The following CNTNAP2 variants were observed in gnomAD, a reference collection of about 807,000 sequenced individuals.
CNTNAP2 encodes the protein contactin associated protein 2, also known as contactin-associated protein-like 2.
A neutral mutation model predicts 155.2 loss-of-function variants in CNTNAP2; 98 were observed. The ratio of observed to expected loss-of-function variants is 0.63; its 90% CI spans 0.54 to 0.75. CNTNAP2 has a LOEUF of 0.75. Ranked by LOEUF, CNTNAP2 falls within the 30% of genes least tolerant of loss-of-function variation. The probability of loss-of-function intolerance (pLI) is 0.00; values close to 1 mark genes in which losing one functional copy is unlikely to be tolerated. For synonymous variants in CNTNAP2, 651 were observed against 631.2 expected, an observed-to-expected ratio of 1.03 and a Z score of -0.47; for missense variants, 1,727 against 1,688.1, an observed-to-expected ratio of 1.02 and a Z score of -0.40.
intron 15 of CNTNAP2, among the ~76,000 whole-genome samples, chr7:148,112,415 G>GTATTAT (rs34816770): frequency 0.011 from 1,587 of 148,606 alleles, 13 homozygotes; most frequent in East Asian, 0.016. Context: ...CTAAATTTTA[G>GTATTAT]TATTATTATT....
intron 1 of CNTNAP2, among the ~76,000 whole-genome samples, chr7:146,568,958 C>T (rs557643375): frequency 6.6e-6 from 1 of 150,972 alleles, no homozygotes; most frequent in South Asian, 2.1e-4. Flanking sequence ...ATCACAAGTT[C>T]CCATCTTGTT....
chr7:147,679,276 T>C (rs1285403248), intron 13 of CNTNAP2, among the ~76,000 whole-genome samples: 1 of 151,918 alleles, frequency 6.6e-6, no homozygotes, highest in Non-Finnish European at 1.5e-5. Context: ...AGATCTTTTA[T>C]GGTTTTGGTT....
At chr7:147,339,923 T>C (rs566661319) in intron 9 of CNTNAP2, among the ~76,000 whole-genome samples, 1 of 152,260 alleles carries the variant, frequency 6.6e-6, no homozygotes, top group African/African-American at 2.4e-5. Context: ...TGGAAGCTCT[T>C]GCTGTCTCTC....
chr7:147,500,494 G>C (rs189286911), intron 11 of CNTNAP2, among the ~76,000 whole-genome samples: 94 of 152,140 alleles, frequency 6.2e-4, no homozygotes, highest in African/African-American at 2.1e-3. Flanking sequence ...TCTATCCACT[G>C]TTCTTCTTAA....
intron 11 of CNTNAP2, among the ~76,000 whole-genome samples, chr7:147,521,246 C>A (rs915193403): frequency 6.6e-6 from 1 of 152,158 alleles, no homozygotes; most frequent in African/African-American, 2.4e-5. Flanking sequence ...GTTGTTCATG[C>A]CATTCTCCTT....
chr7:147,153,976 G>A (rs574037128), intron 8 of CNTNAP2, among the ~76,000 whole-genome samples: 1 of 152,206 alleles, frequency 6.6e-6, no homozygotes, highest in Non-Finnish European at 1.5e-5. Context: ...TGGATATACT[G>A]TCTAGGAGCT....
At chr7:147,675,238 T>C (rs556097862) in intron 13 of CNTNAP2, among the ~76,000 whole-genome samples, 1 of 152,196 alleles carries the variant, frequency 6.6e-6, no homozygotes, top group African/African-American at 2.4e-5. Flanking sequence ...TCAAATCTCT[T>C]TTCTCTTATA....
At chr7:146,340,025 C>T (rs538695702) in intron 1 of CNTNAP2, among the ~76,000 whole-genome samples, 1 of 151,802 alleles carries the variant, frequency 6.6e-6, no homozygotes, top group East Asian at 1.9e-4. Context: ...AAAAATTAGC[C>T]GGGCATGGTG....
intron 8 of CNTNAP2, among the ~76,000 whole-genome samples, chr7:147,264,210 G>T (rs1449753460): frequency 1.3e-5 from 2 of 152,136 alleles, no homozygotes; most frequent in East Asian, 3.9e-4. Context: ...ATTATGCAGA[G>T]CCTGAAATCA....
intron 8 of CNTNAP2, among the ~76,000 whole-genome samples, chr7:147,270,879 G>T (rs1804732023): frequency 6.6e-6 from 1 of 152,168 alleles, no homozygotes; most frequent in African/African-American, 2.4e-5. Context: ...GACGACTGTG[G>T]TGGCAGCCTC....
chr7:147,229,369 G>T (rs1434708216), intron 8 of CNTNAP2, among the ~76,000 whole-genome samples: 1 of 152,152 alleles, frequency 6.6e-6, no homozygotes, highest in Non-Finnish European at 1.5e-5. Context: ...AAAGCATTGA[G>T]GATGTGGCAG....
chr7:147,990,103 GACTC>G (rs1207149897), intron 15 of CNTNAP2, among the ~76,000 whole-genome samples: 1 of 152,158 alleles, frequency 6.6e-6, no homozygotes, highest in Non-Finnish European at 1.5e-5. Context: ...TCACTAGAAT[GACTC>G]ACAGAACTCA....
intron 12 of CNTNAP2, among the ~76,000 whole-genome samples, chr7:147,563,265 G>A (rs1800099828): frequency 6.6e-6 from 1 of 152,054 alleles, no homozygotes; most frequent in Admixed American, 6.6e-5. Context: ...TTAGCTTATT[G>A]TCTAACACAC....
At chr7:146,656,914 C>T (rs1800004563) in intron 1 of CNTNAP2, among the ~76,000 whole-genome samples, 1 of 152,128 alleles carries the variant, frequency 6.6e-6, no homozygotes, top group Non-Finnish European at 1.5e-5. Context: ...TTCTCATAGC[C>T]TTTAGAAGAA....
intron 1 of CNTNAP2, among the ~76,000 whole-genome samples, chr7:146,613,608 T>C (rs1483058226): frequency 1.3e-5 from 2 of 152,206 alleles, no homozygotes; most frequent in Admixed American, 1.3e-4. Context: ...AATATGATTT[T>C]TACATCTGTT....
intron 21 of CNTNAP2, among the ~76,000 whole-genome samples, chr7:148,344,589 C>T (rs1798290230): frequency 6.6e-6 from 1 of 152,158 alleles, no homozygotes; most frequent in Admixed American, 6.5e-5. Context: ...TCTAGGGAGG[C>T]ATTTCACAGG....
intron 1 of CNTNAP2, among the ~76,000 whole-genome samples, chr7:146,139,772 T>G (rs1797851739): frequency 6.6e-6 from 1 of 152,124 alleles, no homozygotes; most frequent in African/African-American, 2.4e-5. Context: ...TTTGTGGAAA[T>G]AGAAGTGTTT....
At chr7:147,485,791 A>C in intron 10 of CNTNAP2, 144 bp from the exon 11 acceptor site, 1 of 778,146 alleles carries the variant, frequency 1.3e-6, no homozygotes. Context: ...AATCATATTA[A>C]TCTGCTTAAA....
rs60163792 is a variant in CNTNAP2 at position 148,010,685 on chromosome 7, AT to A, written c.2383+32702del. ...GGTTTTTTTTTTTTTATTAGACTTT[AT>A]TTTTTAGAGTCAATTTAGGTTCACA... On this transcript the variant is annotated intron_variant, in intron 15 of 23. Transcript: ENST00000361727. 2.7e-5 allele frequency among the ~76,000 whole-genome samples: 4 copies of A among 149,408 alleles called. No individual in the cohort carries two copies. The South Asian group carries it at 6.4e-4, about 24-fold the overall frequency.
Sources: gnomAD v4.1 joint callset for allele counts (sites outside exome capture counted in the v4.1 genomes callset) on GRCh38, gnomAD v4.1.1 for gene constraint, MANE v1.5 for transcripts, NCBI Gene and HGNC (gene_info 2026-07-23, HGNC 2026-07-21) for gene names.